The following PPM1L variants were observed in gnomAD, a reference collection of about 807,000 sequenced individuals.
PPM1L encodes the protein protein phosphatase 1L.
In PPM1L, 13 loss-of-function variants were observed where a neutral mutation model predicts 31.4. The observed-to-expected ratio is 0.41, with a 90% confidence interval of 0.27 to 0.66. PPM1L has a LOEUF of 0.66. Among genes scored for constraint, PPM1L ranks in the 30% least tolerant of loss-of-function variants. The pLI, the probability that PPM1L is intolerant of heterozygous loss-of-function variation, is 0.29. For missense variants in PPM1L, 326 were observed against 453.7 expected, an observed-to-expected ratio of 0.72 and a Z score of 2.56; for synonymous variants, 184 against 175.4, an observed-to-expected ratio of 1.05 and a Z score of -0.39.
At chr3:161,027,454 C>A (rs931332695) in intron 2 of PPM1L, among the ~76,000 whole-genome samples, 1 of 152,164 alleles carries the variant, frequency 6.6e-6, no homozygotes, top group African/African-American at 2.4e-5. Flanking sequence ...GCCTCACAAT[C>A]GTGGCAGAAG....
At chr3:160,865,146 A>T (rs1419759023) in intron 1 of PPM1L, among the ~76,000 whole-genome samples, 2 of 152,236 alleles carry the variant, frequency 1.3e-5, no homozygotes, top group Non-Finnish European at 2.9e-5. Flanking sequence ...ATTCTGGGAA[A>T]GTCAATAATT....
chr3:160,900,481 C>A (rs1713502538), intron 1 of PPM1L, among the ~76,000 whole-genome samples: 1 of 152,014 alleles, frequency 6.6e-6, no homozygotes. Context: ...ATGAAAATAT[C>A]CATGGGCTCC....
At chr3:160,854,781 GC>G (rs1186878883) in intron 1 of PPM1L, among the ~76,000 whole-genome samples, 1 of 150,368 alleles carries the variant, frequency 6.7e-6, no homozygotes, top group East Asian at 2.0e-4. Context: ...TGGCCATATT[GC>G]CCAAAGCAAT....
At chr3:160,854,031 C>A (rs1711601307) in intron 1 of PPM1L, among the ~76,000 whole-genome samples, 1 of 152,140 alleles carries the variant, frequency 6.6e-6, no homozygotes, top group Non-Finnish European at 1.5e-5. Flanking sequence ...TAGTGCATAC[C>A]CAGCTACTAA....
rs6778473 is a variant in PPM1L, at chr3:160,805,446, G to A, written c.399+48739G>A. Among the ~76,000 whole-genome samples, 1,458 of 152,282 alleles carry A rather than the reference G, an allele frequency of 9.6e-3. 22 individuals carry two copies. Among genetic ancestry groups the A allele is most frequent in the African/African-American group, 0.032 (1,344 of 41,560 alleles). On this transcript the variant is annotated intron_variant, in intron 1 of 3. Coordinates refer to ENST00000498165, the MANE Select transcript of PPM1L (RefSeq NM_139245.4). ...CATTTAAAAATGTACTTGAGGCCGG[G>A]TGCAGTGGCTCATGCCTGTAATCCC...
chr3:160,824,275 G>A (rs569515381), intron 1 of PPM1L, among the ~76,000 whole-genome samples: 4 of 152,204 alleles, frequency 2.6e-5, no homozygotes, highest in East Asian at 1.9e-4. Flanking sequence ...AGTCCTAACC[G>A]AAACCTGACC....
At chr3:161,010,485 C>T (rs1412389304) in intron 2 of PPM1L, among the ~76,000 whole-genome samples, 22 of 152,264 alleles carry the variant, frequency 1.4e-4, no homozygotes, top group South Asian at 6.2e-4. Flanking sequence ...AATAAACATA[C>T]GTGTCCATGT....
Position 161,069,079 on chromosome 3 carries a change from A to G in PPM1L, c.1005A>G (p.Ser335=). 1.9e-6 allele frequency: 3 copies of G among 1,614,174 alleles called. No homozygotes were observed. The highest frequency in any genetic ancestry group is 2.5e-6 in the Non-Finnish European group (3 of 1,180,024). ...HFGAKSIVLQ[S]FYRGCPDNIT... The stretch of plus-strand genomic sequence containing the variant: ...GGGCCAAGAGCATAGTTTTACAGTC[A>G]TTTTACAGAGGCTGCCCTGACAATA... The change falls in exon 4 of 4, where the codon TCA becomes TCG. Residue 335 remains serine (S), a synonymous_variant. Coordinates refer to ENST00000498165, the MANE Select transcript of PPM1L (RefSeq NM_139245.4).
At chr3:160,828,796 G>A (rs1312243354) in intron 1 of PPM1L, among the ~76,000 whole-genome samples, 1 of 151,646 alleles carries the variant, frequency 6.6e-6, no homozygotes, top group African/African-American at 2.4e-5. Flanking sequence ...CATAGGTAGA[G>A]CCACTAAAAG....
chr3:161,055,775 ATCTC>A (rs888651680), intron 2 of PPM1L, among the ~76,000 whole-genome samples: 3 of 150,300 alleles, frequency 2.0e-5, no homozygotes, highest in Admixed American at 6.6e-5. Context: ...ACCCTCCCCA[ATCTC>A]TCTCTCTCTT....
intron 2 of PPM1L, among the ~76,000 whole-genome samples, chr3:160,980,491 A>G (rs1716756900): frequency 6.6e-6 from 1 of 151,836 alleles, no homozygotes; most frequent in Admixed American, 6.6e-5. Flanking sequence ...ATCCTGGGCA[A>G]CATGGCAAAA....
chr3:160,823,694 A>G (rs1205651405), intron 1 of PPM1L, among the ~76,000 whole-genome samples: 1 of 152,092 alleles, frequency 6.6e-6, no homozygotes, highest in Non-Finnish European at 1.5e-5. Context: ...TATGCTTTTT[A>G]TATATTAGCT....
intron 1 of PPM1L, among the ~76,000 whole-genome samples, chr3:160,931,149 G>A (rs181960926): frequency 4.5e-4 from 68 of 152,316 alleles, no homozygotes; most frequent in Admixed American, 2.7e-3. Context: ...GAGTTGCTCA[G>A]GCAGCCAGTA....
At chr3:160,987,515 G>A (rs1410607350) in intron 2 of PPM1L, among the ~76,000 whole-genome samples, 1 of 152,184 alleles carries the variant, frequency 6.6e-6, no homozygotes, top group Non-Finnish European at 1.5e-5. Context: ...GGCCAATTTA[G>A]CATCAGTGTA....
At chr3:160,799,808 A>G (rs1712371792) in intron 1 of PPM1L, among the ~76,000 whole-genome samples, 1 of 152,124 alleles carries the variant, frequency 6.6e-6, no homozygotes, top group African/African-American at 2.4e-5. Context: ...ATAAAATAGG[A>G]CTTGCCCTCT....
At chr3:160,867,391 T>C (rs1712131290) in intron 1 of PPM1L, among the ~76,000 whole-genome samples, 1 of 151,836 alleles carries the variant, frequency 6.6e-6, no homozygotes, top group African/African-American at 2.4e-5. Flanking sequence ...TACTATCCTT[T>C]TTTCAGATTT....
intron 1 of PPM1L, among the ~76,000 whole-genome samples, chr3:160,782,386 A>G (rs960981493): frequency 5.3e-5 from 8 of 151,376 alleles, no homozygotes; most frequent in African/African-American, 2.0e-4. Flanking sequence ...TGTGTTACTC[A>G]CAATCACTTG....
At chr3:160,789,993 C>T (rs1474674888) in intron 1 of PPM1L, among the ~76,000 whole-genome samples, 1 of 152,020 alleles carries the variant, frequency 6.6e-6, no homozygotes, top group Admixed American at 6.6e-5. Flanking sequence ...CTTATAATAC[C>T]TAATACAGTA....
chr3:160,757,026 T>TA (rs1156611891), intron 1 of PPM1L, among the ~76,000 whole-genome samples: 1 of 152,066 alleles, frequency 6.6e-6, no homozygotes, highest in Non-Finnish European at 1.5e-5. Context: ...TGTGCTAGTT[T>TA]AGCAAGGAGA....
Sources: gnomAD v4.1 joint callset for allele counts (sites outside exome capture counted in the v4.1 genomes callset) on GRCh38, gnomAD v4.1.1 for gene constraint, MANE v1.5 for transcripts, NCBI Gene and HGNC (gene_info 2026-07-23, HGNC 2026-07-21) for gene names.